Variants in DCTN1 observed in about 807,000 individuals in gnomAD.
The protein encoded by DCTN1 is 150 kDa dynein-associated polypeptide.
DCTN1 carries 61 observed loss-of-function variants against 161.2 expected under a neutral mutation model. That is an observed-to-expected ratio of 0.38 (90% CI 0.31 to 0.47). The LOEUF (loss-of-function observed/expected upper bound fraction) is 0.47. DCTN1 is among the 20% of genes least tolerant of loss of function. DCTN1 has a pLI of 0.99. For synonymous variants in DCTN1, 653 were observed against 632.4 expected (o/e 1.03, Z -0.49); for missense variants, 1,404 against 1,623.7 (o/e 0.86, Z 2.33).
At chr2:74,368,692 T>C in intron 16 of DCTN1, 36 bp downstream of exon 16, 1 of 1,614,200 alleles carries the variant, frequency 6.2e-7, no homozygotes, top group Non-Finnish European at 8.5e-7. Context: ...GCAAGTTCAC[T>C]AGATTTCTGT....
At chr2:74,367,463 G>A (rs1325458705) in intron 18 of DCTN1, 43 bp from the exon 19 acceptor site, 23 of 1,608,130 alleles carry the variant, frequency 1.4e-5, no homozygotes, top group East Asian at 6.7e-5. Flanking sequence ...GCCCTGGAGC[G>A]GGTGGGGAGT....
At chr2:74,389,968 T>C (rs992363994) in intron 1 of DCTN1, among the ~76,000 whole-genome samples, 1 of 152,196 alleles carries the variant, frequency 6.6e-6, no homozygotes, top group Non-Finnish European at 1.5e-5. Context: ...AATACTGCTT[T>C]GTCCCTACAC....
chr2:74,374,704 A>C, intron 5 of DCTN1: 1 of 1,186,274 alleles, frequency 8.4e-7, no homozygotes, highest in Non-Finnish European at 1.1e-6. Context: ...TCATGCACCC[A>C]CCCTCCTCTG....
intron 4 of DCTN1, 90 bp from the exon 5 acceptor site, chr2:74,376,852 C>G: frequency 8.2e-7 from 1 of 1,220,338 alleles, no homozygotes; most frequent in South Asian, 1.3e-5. Context: ...AGGTTAGACG[C>G]GGGTAGGGGG....
chr2:74,366,987 T>A, intron 20 of DCTN1, 55 bp from the exon 21 acceptor site: 1 of 1,613,900 alleles, frequency 6.2e-7, no homozygotes, highest in Non-Finnish European at 8.5e-7. Context: ...AGGCTCGGAG[T>A]AAGGAAGTGA....
chr2:74,365,634 A>T lies in DCTN1; in HGVS notation c.2910T>A (p.Asn970Lys). ...KIKGEELSEA[N>K]VRLSLLEKKL... ...TCTTCTCCAGGAGGCTCAGCCGCACATTGGCCTCACTTAGCTCCTCTCCCT... is the reference window on the plus strand; with the variant it reads ...TCTTCTCCAGGAGGCTCAGCCGCACTTTGGCCTCACTTAGCTCCTCTCCCT... The change falls in exon 25 of 32, where the codon AAT becomes AAA. Residue 970 changes from asparagine (N) to lysine (K), a missense_variant. Transcript: ENST00000628224. 1 of 1,614,092 alleles carries T rather than the reference A, an allele frequency of 6.2e-7. No individual in the cohort carries two copies. The highest frequency in any genetic ancestry group is 8.5e-7 in the Non-Finnish European group (1 of 1,180,010).
At position 74,380,051 on chromosome 2, in the gene DCTN1, C is replaced by A; in HGVS notation, c.-14G>T. On this transcript the variant is annotated 5_prime_UTR_variant, in exon 1 of 32. Coordinates refer to ENST00000628224, the MANE Select transcript of DCTN1 (RefSeq NM_004082.5). ...GCTCTGTGCCATGTTGCTCACCCGG[C>A]CTCTACCCCCTCCCCCAGCTGGCCA... The A allele has an allele frequency of 6.2e-7, 1 of 1,614,074 alleles. No individual in the cohort carries two copies.
At chr2:74,383,024 G>A (rs944874335), upstream of DCTN1, among the ~76,000 whole-genome samples, 139 of 151,456 alleles carry the variant, frequency 9.2e-4, 1 homozygote, top group Non-Finnish European at 1.4e-3. Flanking sequence ...GCAGTGAGCC[G>A]AGATTGCGCC....
chr2:74,372,369 C>T (rs985203308), intron 7 of DCTN1, among the ~76,000 whole-genome samples: 3 of 152,206 alleles, frequency 2.0e-5, no homozygotes, highest in African/African-American at 7.2e-5. Flanking sequence ...TCGTCATCTC[C>T]CCCGATCTGG....
chr2:74,365,782 A>G, intron 24 of DCTN1, 111 bp downstream of exon 24: 1 of 1,610,918 alleles, frequency 6.2e-7, no homozygotes, highest in Non-Finnish European at 8.5e-7. Context: ...TGCAGGCCCC[A>G]CTTCTCCCCT....
intron 16 of DCTN1, 182 bp from the exon 17 acceptor site, chr2:74,368,313 G>A: frequency 3.8e-6 from 3 of 799,998 alleles, no homozygotes; most frequent in Admixed American, 2.5e-5. Context: ...TGTGATTACT[G>A]GAGGTTGTGA....
At chr2:74,388,905 C>T (rs932766434) in intron 1 of DCTN1, among the ~76,000 whole-genome samples, 9 of 152,250 alleles carry the variant, frequency 5.9e-5, no homozygotes, top group South Asian at 2.1e-4. Context: ...CACATATGTA[C>T]GCACACACAC....
chr2:74,371,386 A>G (rs1450383112), intron 8 of DCTN1, 151 bp downstream of exon 8: 8 of 1,258,172 alleles, frequency 6.4e-6, no homozygotes, highest in South Asian at 1.4e-5. Context: ...AGGATGGCTC[A>G]GTCAGTAGCA....
rs1348436310 is a variant in DCTN1, at chr2:74,367,446, C to T, written c.2185-26G>A. 3 of 1,613,724 alleles carry T rather than the reference C, an allele frequency of 1.9e-6. No homozygotes were observed. The East Asian group carries it at 6.7e-5, about 36-fold the overall frequency. On this transcript the variant is annotated intron_variant, in intron 18 of 31. Transcript: ENST00000628224. ...CTGAGGAGAGATAACAGACAGACAA[C>T]TTTTAGGCCCTGGAGCGGGTGGGGA... is the stretch of plus-strand genomic sequence containing the variant.
intron 1 of DCTN1, among the ~76,000 whole-genome samples, 158 bp downstream of exon 1, chr2:74,379,847 T>G (rs1195536393): frequency 1.3e-5 from 2 of 152,030 alleles, no homozygotes; most frequent in African/African-American, 4.8e-5. Flanking sequence ...TGTCCAGCCT[T>G]ACACCACCAG....
At chr2:74,390,761 T>C (rs536118895) in intron 1 of DCTN1, 10 of 292,436 alleles carry the variant, frequency 3.4e-5, no homozygotes, top group South Asian at 2.4e-4. Context: ...TCAGAATCTG[T>C]ACTGTAACGA....
rs1282839809 is a variant in DCTN1, at chr2:74,370,427, A to C, written c.1127+39T>G. The C allele has an allele frequency of 1.2e-6, 2 of 1,614,198 alleles. No homozygotes were observed. Among genetic ancestry groups the C allele is most frequent in the Non-Finnish European group, 1.7e-6 (2 of 1,180,016 alleles). ...TGGGTGCTCTAACACATTTGGAGAC[A>C]CAAGAGTAAGCATCAGAGGCAAGCA... On this transcript the variant is annotated intron_variant, in intron 11 of 31. Transcript: ENST00000628224. The surrounding 1 kb of genome is among the most constrained non-coding windows in gnomAD (Gnocchi z 4.4).
chr2:74,388,221 G>T (rs1675830771), intron 1 of DCTN1, among the ~76,000 whole-genome samples: 1 of 105,034 alleles, frequency 9.5e-6, no homozygotes, highest in African/African-American at 7.2e-5. Flanking sequence ...ACAAAAAACT[G>T]GCCTCAAACT....
chr2:74,361,319 A>C lies in DCTN1; in HGVS notation c.*180T>G. On this transcript the variant is annotated 3_prime_UTR_variant, in exon 32 of 32. Transcript: ENST00000628224. ...ATTATGGCAGAGGCCAGGGAATGGG[A>C]GTGGGGGAACCCGGGTCAAGGTGAA... 1 of 844,888 alleles carries C rather than the reference A, an allele frequency of 1.2e-6. No homozygotes were observed. The allele number at this position is 844,888 out of a possible 1,614,324, so 52.3% of individuals were successfully genotyped here.
Sources: gnomAD v4.1 joint callset for allele counts (sites outside exome capture counted in the v4.1 genomes callset) on GRCh38, gnomAD v4.1.1 for gene constraint, Gnocchi (gnomAD v3.1) non-coding constraint, MANE v1.5 for transcripts, NCBI Gene and HGNC (gene_info 2026-07-23, HGNC 2026-07-21) for gene names.